Variants in EPB42 observed in about 807,000 individuals in gnomAD.
The protein encoded by EPB42 is protein 4.2.
A neutral mutation model predicts 76.9 loss-of-function variants in EPB42; 49 were observed. The ratio of observed to expected loss-of-function variants is 0.64; its 90% CI spans 0.51 to 0.81. The LOEUF (loss-of-function observed/expected upper bound fraction) is 0.81, where lower values mean the gene tolerates loss of function less well. EPB42 is among the 30% of genes least tolerant of loss of function. EPB42 has a pLI of 0.00. For missense variants in EPB42, 731 were observed against 867.6 expected, an observed-to-expected ratio of 0.84 and a Z score of 1.98; for synonymous variants, 310 against 338.4, an observed-to-expected ratio of 0.92 and a Z score of 0.92.
rs891162070 is a variant in EPB42 at position 43,206,098 on chromosome 15, C to T, written c.1618+232G>A. 13 of 523,736 alleles carry T rather than the reference C, an allele frequency of 2.5e-5. No homozygotes were observed. The highest frequency in any genetic ancestry group is 9.6e-5 in the Admixed American group (3 of 31,158). The allele number at this position is 523,736 out of a possible 1,614,324, so 32.4% of individuals were successfully genotyped here. ...TCAGCAAACACTTCTCACACTGCTA[C>T]GAAGGGTCTGTTTACTTATCTGACT... is the stretch of plus-strand genomic sequence containing the variant. On this transcript the variant is annotated intron_variant, in intron 10 of 12. Coordinates refer to ENST00000441366, the MANE Select transcript of EPB42 (RefSeq NM_001114134.2). The surrounding 1 kb of genome is among the most constrained non-coding windows in gnomAD (Gnocchi z 4.7).
At position 43,216,265 on chromosome 15, in the gene EPB42, A is replaced by G. The variant is rs1020000566; in HGVS notation, c.196+3T>C. ...CAAAGGAGTCTAGGCCTGACTCACT[A>G]ACCAGTTTGTGCAGTGAGGGCCACC... On this transcript the variant is annotated splice_donor_region_variant and intron_variant, in intron 2 of 12. Transcript: ENST00000441366. The G allele has an allele frequency of 2.5e-6, 4 of 1,613,688 alleles. No individual in the cohort carries two copies. The highest frequency in any genetic ancestry group is 3.4e-6 in the Non-Finnish European group (4 of 1,179,988).
At chr15:43,202,506 T>G (rs538486940) in intron 11 of EPB42, among the ~76,000 whole-genome samples, 131 of 152,374 alleles carry the variant, frequency 8.6e-4, no homozygotes, top group African/African-American at 3.1e-3. Flanking sequence ...ACCCACCAGC[T>G]GGAATTAATT....
chr15:43,216,799 C>T (rs558043802), intron 1 of EPB42, among the ~76,000 whole-genome samples: 1 of 152,294 alleles, frequency 6.6e-6, no homozygotes, highest in Non-Finnish European at 1.5e-5. Context: ...TCCCAATCCA[C>T]AAGCAATGAA....
intron 10 of EPB42, among the ~76,000 whole-genome samples, chr15:43,204,501 T>C (rs2142272348): frequency 6.6e-6 from 1 of 152,286 alleles, no homozygotes; most frequent in South Asian, 2.1e-4. Flanking sequence ...TGCCACCTGC[T>C]GGCCAGCTCC....
At chr15:43,209,694 A>G (rs575198245) in intron 5 of EPB42, 13 of 497,206 alleles carry the variant, frequency 2.6e-5, no homozygotes, top group Non-Finnish European at 4.6e-5. Flanking sequence ...AGCCACAAAG[A>G]GGAGCATTAG....
At chr15:43,217,908 G>A (rs925977519) in intron 1 of EPB42, among the ~76,000 whole-genome samples, 1 of 152,194 alleles carries the variant, frequency 6.6e-6, no homozygotes, top group African/African-American at 2.4e-5. Context: ...GGGGATGATA[G>A]AAGATGCCAA....
chr15:43,210,810 G>C (rs2042283944), intron 4 of EPB42, among the ~76,000 whole-genome samples: 1 of 152,218 alleles, frequency 6.6e-6, no homozygotes, highest in Non-Finnish European at 1.5e-5. Context: ...AGGATACCGA[G>C]GCAGCTCCTG....
intron 1 of EPB42, among the ~76,000 whole-genome samples, chr15:43,219,450 C>G (rs1182534171): frequency 3.9e-5 from 6 of 152,280 alleles, no homozygotes; most frequent in African/African-American, 1.4e-4. Context: ...TCAGCACAAG[C>G]CAGCTCCAGC....
chr15:43,218,936 G>T (rs144495722), intron 1 of EPB42, among the ~76,000 whole-genome samples: 2 of 151,942 alleles, frequency 1.3e-5, no homozygotes, highest in Non-Finnish European at 2.9e-5. Context: ...GTGTTAACCC[G>T]GAGATCATGT....
rs200820078 is a variant in EPB42 at position 43,201,845 on chromosome 15, T to C, written c.1912A>G (p.Arg638Gly). 2.8e-4 allele frequency: 460 copies of C among 1,614,228 alleles called. No individual in the cohort carries two copies. Among genetic ancestry groups the C allele is most frequent in the Non-Finnish European group, 3.5e-4 (418 of 1,180,026 alleles). The change falls in exon 12 of 13, where the codon AGA becomes GGA. Residue 638 changes from arginine (R) to glycine (G), a missense_variant and splice_region_variant. Transcript: ENST00000441366. Reference protein sequence around the residue: ...RGLIHRERSYRFRSVWPENTM... With the variant: ...RGLIHRERSYGFRSVWPENTM... ...GATGAGAAGCCTGCCATCACTTACCTGTAGCTCCTCTCTCTGTGAATGAGC... is the reference window on the plus strand; with the variant it reads ...GATGAGAAGCCTGCCATCACTTACCCGTAGCTCCTCTCTCTGTGAATGAGC...
chr15:43,217,775 T>C (rs2042400240), intron 1 of EPB42, among the ~76,000 whole-genome samples: 1 of 152,204 alleles, frequency 6.6e-6, no homozygotes, highest in Non-Finnish European at 1.5e-5. Flanking sequence ...TCCTTTAGAC[T>C]ACAAGACGGA....
Position 43,203,144 on chromosome 15 carries a change from C to T in EPB42, c.1750G>A (p.Ala584Thr). The T allele has an allele frequency of 1.2e-6, 2 of 1,613,988 alleles. No individual in the cohort carries two copies. Among genetic ancestry groups the T allele is most frequent in the Non-Finnish European group, 1.7e-6 (2 of 1,180,004 alleles). The change falls in exon 11 of 13, where the codon GCC (alanine) becomes ACC (threonine). Residue 584 changes from alanine (A) to threonine (T), a missense_variant. Physicochemically the swap from Ala to Thr is moderately conservative, Grantham distance 58. Transcript: ENST00000441366. ...NLSCFAQEDI[A>T]ICRPHLAIKM... ...ATGGCAAGGTGTGGTCTACAAATGG[C>T]AATGTCTTCCTGAGCAAAGCAGCTA...
rs2042272011 is a variant in EPB42 at position 43,210,216 on chromosome 15, C to T, written c.654+119G>A. 6.8e-6 allele frequency: 6 copies of T among 885,582 alleles called. No individual in the cohort carries two copies. In the Admixed American group the frequency reaches 1.0e-4, roughly 15 times the overall value. 54.9% of individuals were successfully genotyped at this position (885,582 alleles called of 1,614,324 possible). On this transcript the variant is annotated intron_variant, in intron 5 of 12. Coordinates refer to ENST00000441366, the MANE Select transcript of EPB42 (RefSeq NM_001114134.2). ...CTTCTGTAGGAACTGTCCCCACACC[C>T]TGGGAGGAGGGGGCCATTTGTGATT...
At position 43,215,171 on chromosome 15, in the gene EPB42, C is replaced by T. The variant is rs188157706; in HGVS notation, c.354G>A (p.Ser118=). 5.5e-5 allele frequency: 88 copies of T among 1,614,240 alleles called. No individual in the cohort carries two copies. Among genetic ancestry groups the T allele is most frequent in the Non-Finnish European group, 6.4e-5 (76 of 1,180,050 alleles). The change falls in exon 3 of 13, where the codon TCG becomes TCA. Residue 118 remains serine (S), a synonymous_variant. Coordinates refer to ENST00000441366, the MANE Select transcript of EPB42 (RefSeq NM_001114134.2). ...TPADAVIGHY[S]LLLQVSGRKQ... ...TCCTGCCTGAGACCTGCAGCAGAAG[C>T]GAGTAGTGGCCAATGACAGCGTCCG...
At chr15:43,203,372 T>C (rs758551627) in intron 10 of EPB42, 97 bp from the exon 11 acceptor site, 17 of 1,483,850 alleles carry the variant, frequency 1.1e-5, no homozygotes. Context: ...AGGGCCTCAC[T>C]GAGGCCAGAA....
chr15:43,208,550 T>G (rs1596409942), intron 7 of EPB42, 87 bp downstream of exon 7: 2 of 1,596,584 alleles, frequency 1.3e-6, no homozygotes, highest in East Asian at 4.5e-5. Context: ...GCCAGGGCCA[T>G]GCAGGGGGTG....
At chr15:43,218,005 T>TCC (rs1453377902) in intron 1 of EPB42, among the ~76,000 whole-genome samples, 1 of 152,178 alleles carries the variant, frequency 6.6e-6, no homozygotes, top group Non-Finnish European at 1.5e-5. Context: ...CCTCTCTGTG[T>TCC]CTGGTCCTCA....
rs755363666 is a variant in EPB42 at position 43,201,854 on chromosome 15, T to G, written c.1903A>C (p.Arg635=). The G allele has an allele frequency of 1.1e-4, 183 of 1,614,054 alleles. No individual in the cohort carries two copies. The highest frequency in any genetic ancestry group is 1.5e-4 in the Non-Finnish European group (179 of 1,180,016). Residue 635 remains arginine (R), a synonymous_variant, in exon 12 of 13, where the codon AGG becomes CGG. Transcript: ENST00000441366. ...CCTGCCATCACTTACCTGTAGCTCC[T>G]CTCTCTGTGAATGAGCCCCCTTCCC... is the stretch of plus-strand genomic sequence containing the variant. ...ILGRGLIHRE[R]SYRFRSVWPE...
At position 43,210,396 on chromosome 15, in the gene EPB42, T is replaced by G. The variant is rs768289851; in HGVS notation, c.593A>C (p.Lys198Thr). The change falls in exon 5 of 13, where the codon AAG becomes ACG. Residue 198 changes from lysine to threonine, a missense_variant. Lys to Thr is a moderately conservative substitution (Grantham distance 78). Transcript: ENST00000441366. ...GCTCCACTTCTCTACCTGCTTGTCC[T>G]TGCTCAGCAAGCGCAGGCTGAGGTC... ...VIDLSLRLLS[K>T]DKQVEKWSQP... 3.7e-6 allele frequency: 6 copies of G among 1,613,924 alleles called. No homozygotes were observed.
Sources: allele counts gnomAD v4.1 joint callset (sites outside exome capture counted in the v4.1 genomes callset), GRCh38; gene constraint gnomAD v4.1.1; non-coding constraint Gnocchi (gnomAD v3.1); transcripts MANE v1.5; gene names NCBI Gene and HGNC (gene_info 2026-07-23, HGNC 2026-07-21).